Variants in TRPC5 observed in about 807,000 individuals in gnomAD.
The protein encoded by TRPC5 is short transient receptor potential channel 5.
TRPC5 carries 9 observed loss-of-function variants against 56.5 expected under a neutral mutation model. That is an observed-to-expected ratio of 0.16 (90% CI 0.10 to 0.28). The LOEUF (loss-of-function observed/expected upper bound fraction) is 0.28. Among genes scored for constraint, TRPC5 ranks in the 10% least tolerant of loss-of-function variants. The pLI is 1.00. For missense variants in TRPC5, 469 were observed against 748.9 expected (o/e 0.63, Z 4.36); for synonymous variants, 282 against 278.5 (o/e 1.01, Z -0.13).
chrX:111,970,428 T>C (rs1292717714), intron 1 of TRPC5, among the ~76,000 whole-genome samples: 1 of 111,533 alleles, frequency 9.0e-6, no homozygotes, highest in Admixed American at 9.6e-5. Flanking sequence ...AGTGCGATTA[T>C]CTTATAAATT....
chrX:111,937,563 G>A (rs1569528310), intron 2 of TRPC5, among the ~76,000 whole-genome samples: 1 of 107,493 alleles, frequency 9.3e-6, no homozygotes, highest in Non-Finnish European at 1.9e-5. Context: ...TTCTACATAT[G>A]GCTAGCCAGT....
chrX:111,803,604 T>C (rs1332461926), intron 7 of TRPC5, among the ~76,000 whole-genome samples: 1 of 112,775 alleles, frequency 8.9e-6, no homozygotes, highest in African/African-American at 3.2e-5. Flanking sequence ...TGACCAGTGA[T>C]GGTGAGCATT....
chrX:111,824,712 T>C (rs1422415006), intron 7 of TRPC5, among the ~76,000 whole-genome samples: 1 of 111,450 alleles, frequency 9.0e-6, no homozygotes, highest in Non-Finnish European at 1.9e-5. Context: ...TTTCTAAAGG[T>C]AGGCTCTGCA....
At chrX:111,870,666 A>C (rs187875953) in intron 3 of TRPC5, among the ~76,000 whole-genome samples, 111 of 111,376 alleles carry the variant, frequency 1.0e-3, no homozygotes, top group South Asian at 3.8e-3. Context: ...ATTTATTTTT[A>C]AAAACTTTGG....
chrX:111,795,350 A>T (rs1449835982), intron 7 of TRPC5, among the ~76,000 whole-genome samples: 1 of 111,416 alleles, frequency 9.0e-6, no homozygotes, highest in Non-Finnish European at 1.9e-5. Flanking sequence ...TTTTAAAAAA[A>T]AATCATCAAT....
intron 1 of TRPC5, among the ~76,000 whole-genome samples, chrX:112,063,801 G>T (rs919090563): frequency 3.6e-5 from 4 of 111,199 alleles, no homozygotes; most frequent in Admixed American, 9.5e-5. Context: ...TTTGTTTTTG[G>T]TTTTTTTTGA....
At chrX:111,998,464 A>C (rs1197351322) in intron 1 of TRPC5, among the ~76,000 whole-genome samples, 1 of 111,467 alleles carries the variant, frequency 9.0e-6, no homozygotes, top group Non-Finnish European at 1.9e-5. Flanking sequence ...GTCATACTTC[A>C]GTATATGTGA....
intron 2 of TRPC5, among the ~76,000 whole-genome samples, chrX:111,935,981 A>AT (rs927984656): frequency 1.6e-4 from 18 of 110,910 alleles, no homozygotes; most frequent in East Asian, 1.1e-3. Context: ...ATATTTTAGG[A>AT]TTTTTTTCCT....
chrX:111,817,391 G>A (rs956699664), intron 7 of TRPC5, among the ~76,000 whole-genome samples: 8 of 99,120 alleles, frequency 8.1e-5, no homozygotes, highest in African/African-American at 3.1e-4. Flanking sequence ...CAGTGGTGCC[G>A]TCTTGGCTCA....
At position 111,834,934 on chromosome X, in the gene TRPC5, T is replaced by C; in HGVS notation, c.1883A>G (p.Tyr628Cys). ...AAAGCTACTCACGGCAATAAGCTGA[T>C]AGGAGTTGTTCATCATAGCAATCAG... The part of the protein sequence containing the change: ...NMLIAMMNNS[Y>C]QLIADHADIE... The change falls in exon 7 of 11, where the codon TAT becomes TGT. Residue 628 changes from tyrosine (Y) to cysteine (C), a missense_variant. Tyr to Cys is a radical substitution (Grantham distance 194). This residue lies in a region of TRPC5 where 157 missense variants were observed against 360.0 expected (regional missense o/e 0.44). Coordinates refer to ENST00000262839, the MANE Select transcript of TRPC5 (RefSeq NM_012471.3). The C allele has an allele frequency of 8.3e-7, 1 of 1,205,840 alleles. No individual in the cohort carries two copies. The highest frequency in any genetic ancestry group is 2.2e-5 in the Admixed American group (1 of 45,597).
chrX:112,004,454 A>G (rs1328874173), intron 1 of TRPC5, among the ~76,000 whole-genome samples: 1 of 112,147 alleles, frequency 8.9e-6, no homozygotes, highest in Middle Eastern at 4.2e-3. Context: ...GGCAGATCCC[A>G]CTAGAGTCAT....
At chrX:112,065,077 CAA>C (rs61593071) in intron 1 of TRPC5, among the ~76,000 whole-genome samples, 4 of 46,367 alleles carry the variant, frequency 8.6e-5, no homozygotes, top group Admixed American at 2.9e-4. Context: ...GACTACGTCT[CAA>C]AAAAAAAAAA....
intron 3 of TRPC5, among the ~76,000 whole-genome samples, chrX:111,878,372 G>A (rs765054358): frequency 9.0e-6 from 1 of 111,447 alleles, no homozygotes; most frequent in South Asian, 3.8e-4. Context: ...GCTTCAGTGT[G>A]ATTGGCTGAT....
chrX:112,062,295 G>T (rs1409601735), intron 1 of TRPC5, among the ~76,000 whole-genome samples: 1 of 111,558 alleles, frequency 9.0e-6, no homozygotes, highest in Non-Finnish European at 1.9e-5. Context: ...AGGGAAGAAA[G>T]AAATACAGAA....
chrX:112,082,761 G>A lies in TRPC5; in HGVS notation c.-904C>T, dbSNP rs1418763685. On this transcript the variant is annotated 5_prime_UTR_variant, in exon 1 of 11. Coordinates refer to ENST00000262839, the MANE Select transcript of TRPC5 (RefSeq NM_012471.3). ...CTGCGAGCTGCGGACAACCCGTCGT[G>A]GTTGTGATGTGGGGTGTGTGTGTGT... is the stretch of plus-strand genomic sequence containing the variant. 9.5e-6 allele frequency: 1 copy of A among 104,742 alleles called. No homozygotes were observed. The highest frequency in any genetic ancestry group is 2.0e-5 in the Non-Finnish European group (1 of 51,241). 8.6% of individuals were successfully genotyped at this position (104,742 alleles called of 1,213,427 possible).
At chrX:112,015,086 C>A (rs1185593100) in intron 1 of TRPC5, among the ~76,000 whole-genome samples, 2 of 107,056 alleles carry the variant, frequency 1.9e-5, no homozygotes, top group African/African-American at 6.9e-5. Context: ...GTTGCCCAGG[C>A]AGGAATGCAA....
chrX:112,081,061 G>A lies in TRPC5; in HGVS notation c.-22+818C>T, dbSNP rs191835021. 5.5e-3 allele frequency among the ~76,000 whole-genome samples: 616 copies of A among 112,175 alleles called. 4 individuals carry two copies. Among genetic ancestry groups the A allele is most frequent in the African/African-American group, 0.019 (590 of 30,836 alleles). On this transcript the variant is annotated intron_variant, in intron 1 of 10. Coordinates refer to ENST00000262839, the MANE Select transcript of TRPC5 (RefSeq NM_012471.3). Reference sequence around the variant, plus strand: ...TCCCCGCTTCAGGCTTTTCCTGAGGGAGTAATAACCTTGCTAAACACTTAA... The same window carrying A: ...TCCCCGCTTCAGGCTTTTCCTGAGGAAGTAATAACCTTGCTAAACACTTAA...
chrX:111,992,738 G>A (rs1293883345), intron 1 of TRPC5, among the ~76,000 whole-genome samples: 1 of 108,920 alleles, frequency 9.2e-6, no homozygotes, highest in East Asian at 2.9e-4. Context: ...GAGTAGCTGG[G>A]ATTACAGGCA....
chrX:111,819,883 C>T (rs1452785878), intron 7 of TRPC5, among the ~76,000 whole-genome samples: 1 of 111,776 alleles, frequency 8.9e-6, no homozygotes, highest in African/African-American at 3.3e-5. Flanking sequence ...AATGAACAAA[C>T]ACACCTGGCA....
Sources: gnomAD v4.1 joint callset for allele counts (sites outside exome capture counted in the v4.1 genomes callset) on GRCh38, gnomAD v4.1.1 for gene constraint, gnomAD v4.1.1 regional missense constraint, MANE v1.5 for transcripts, NCBI Gene and HGNC (gene_info 2026-07-23, HGNC 2026-07-21) for gene names.